Variants in DLGAP1 observed in about 807,000 individuals in gnomAD.
DLGAP1 encodes the protein disks large-associated protein 1.
A neutral mutation model predicts 90.8 loss-of-function variants in DLGAP1; 11 were observed. The ratio of observed to expected loss-of-function variants is 0.12; its 90% CI spans 0.08 to 0.20. DLGAP1 has a LOEUF of 0.20. Among genes scored for constraint, DLGAP1 ranks in the 10% least tolerant of loss-of-function variants. DLGAP1 has a pLI of 1.00. For synonymous variants in DLGAP1, 558 were observed against 540.7 expected (o/e 1.03, Z -0.44); for missense variants, 1,050 against 1,333.8 (o/e 0.79, Z 3.31).
At chr18:3,673,874 A>G (rs1278013667) in intron 7 of DLGAP1, among the ~76,000 whole-genome samples, 1 of 128,626 alleles carries the variant, frequency 7.8e-6, no homozygotes, top group African/African-American at 3.0e-5. Flanking sequence ...AGGGAGTCTC[A>G]CTCTGTTGCC....
intron 5 of DLGAP1, among the ~76,000 whole-genome samples, chr18:3,803,908 C>T (rs2066430090): frequency 7.1e-6 from 1 of 140,530 alleles, no homozygotes; most frequent in African/African-American, 2.6e-5. Context: ...TAAAATATTA[C>T]TAGCTATCAG....
At chr18:4,016,977 T>A (rs1356788787) in intron 2 of DLGAP1, among the ~76,000 whole-genome samples, 1 of 152,200 alleles carries the variant, frequency 6.6e-6, no homozygotes, top group Non-Finnish European at 1.5e-5. Flanking sequence ...TAAATACTAG[T>A]TCCCTCCCTT....
intron 1 of DLGAP1, among the ~76,000 whole-genome samples, chr18:4,261,960 A>T (rs903540152): frequency 1.3e-5 from 2 of 152,220 alleles, no homozygotes; most frequent in African/African-American, 4.8e-5. Context: ...CCTGGTAATA[A>T]AGTATGTTAA....
intron 1 of DLGAP1, among the ~76,000 whole-genome samples, chr18:4,352,388 G>C (rs1310662674): frequency 6.6e-6 from 1 of 152,038 alleles, no homozygotes. Flanking sequence ...ACCATGGCTT[G>C]GTAAGGCAAC....
intron 7 of DLGAP1, among the ~76,000 whole-genome samples, chr18:3,672,628 G>T (rs2060140581): frequency 8.0e-6 from 1 of 124,334 alleles, no homozygotes. Flanking sequence ...GAAACAGGTA[G>T]ATAAACCCAG....
intron 2 of DLGAP1, among the ~76,000 whole-genome samples, chr18:4,019,319 C>T (rs1262837622): frequency 6.6e-6 from 1 of 152,052 alleles, no homozygotes; most frequent in Non-Finnish European, 1.5e-5. Flanking sequence ...GCTTTATCTT[C>T]TTTTCTCAGT....
chr18:3,938,611 G>A (rs1334104601), intron 3 of DLGAP1, among the ~76,000 whole-genome samples: 1 of 152,326 alleles, frequency 6.6e-6, no homozygotes, highest in Admixed American at 6.5e-5. Context: ...GTGCCCAGGA[G>A]AATGTCAGAT....
chr18:3,905,388 A>AG (rs386386898), intron 3 of DLGAP1, among the ~76,000 whole-genome samples: 16 of 149,654 alleles, frequency 1.1e-4, no homozygotes, highest in African/African-American at 3.2e-4. Flanking sequence ...AAAAAAAAAA[A>AG]AAAAGAAAAG....
intron 1 of DLGAP1, among the ~76,000 whole-genome samples, chr18:4,244,430 T>TA (rs1295184229): frequency 2.6e-5 from 4 of 152,178 alleles, no homozygotes; most frequent in African/African-American, 7.2e-5. Context: ...TCTTGAAAAT[T>TA]AAAAAAACTA....
chr18:3,595,268 G>A (rs2056514596), intron 7 of DLGAP1, among the ~76,000 whole-genome samples: 1 of 152,200 alleles, frequency 6.6e-6, no homozygotes, highest in Admixed American at 6.5e-5. Flanking sequence ...TCTTCAGAAA[G>A]TTCCATTCAT....
In DLGAP1 at chr18:3,728,300, T is replaced by TTATATATATATA. The variant is rs200480157; in HGVS notation, c.1591+823_1591+834dup. On this transcript the variant is annotated intron_variant, in intron 7 of 12. Transcript: ENST00000315677. ...GGATTTTCTTTTTGGAACGCAAATG[T>TTATATATATATA]TATATATATATATATATATATATAT... 1.2e-3 allele frequency among the ~76,000 whole-genome samples: 154 copies of TTATATATATATA among 123,602 alleles called. 1 individual carries two copies. The highest frequency in any genetic ancestry group is 4.1e-3 in the South Asian group (16 of 3,856). The allele number at this position is 123,602 out of a possible 152,430, so 81.1% of individuals were successfully genotyped here.
At chr18:4,381,372 C>T (rs1190835204) in intron 1 of DLGAP1, among the ~76,000 whole-genome samples, 1 of 152,100 alleles carries the variant, frequency 6.6e-6, no homozygotes, top group African/African-American at 2.4e-5. Flanking sequence ...TTGATAAAAG[C>T]TATAGTGAGC....
intron 2 of DLGAP1, among the ~76,000 whole-genome samples, chr18:4,067,916 T>C (rs1352693869): frequency 6.6e-6 from 1 of 152,064 alleles, no homozygotes; most frequent in Non-Finnish European, 1.5e-5. Flanking sequence ...CCACCTTGGT[T>C]GTATGGTCTT....
At chr18:3,782,174 T>C (rs2065230148) in intron 5 of DLGAP1, among the ~76,000 whole-genome samples, 1 of 151,802 alleles carries the variant, frequency 6.6e-6, no homozygotes, top group Admixed American at 6.6e-5. Context: ...CCTTGTTCTG[T>C]TGTCCAGGCT....
In DLGAP1 at chr18:4,269,417, G is replaced by A. The variant is rs865782360; in HGVS notation, c.-266-118130C>T. 2.0e-4 allele frequency among the ~76,000 whole-genome samples: 30 copies of A among 149,242 alleles called. 1 individual carries two copies. The highest frequency in any genetic ancestry group is 3.6e-3 in the Middle Eastern group (1 of 280). ...CGCCCAGGCTGGAGTGCAGTGGCGC[G>A]ATCTCAGCTCACTGCAAGCTCTGCC... On this transcript the variant is annotated intron_variant, in intron 1 of 12. Transcript: ENST00000315677.
chr18:4,046,281 A>G (rs185675173), intron 2 of DLGAP1, among the ~76,000 whole-genome samples: 1 of 152,358 alleles, frequency 6.6e-6, no homozygotes, highest in Non-Finnish European at 1.5e-5. Context: ...AATAGATTGC[A>G]AAATATCTAT....
At chr18:3,790,689 C>T (rs1175258482) in intron 5 of DLGAP1, among the ~76,000 whole-genome samples, 1 of 152,116 alleles carries the variant, frequency 6.6e-6, no homozygotes, top group Non-Finnish European at 1.5e-5. Context: ...GAGTATTTGC[C>T]TGCATTTCCT....
intron 10 of DLGAP1, among the ~76,000 whole-genome samples, chr18:3,527,692 G>A (rs1223382): frequency 0.75 from 114,409 of 151,744 alleles, 43,268 homozygotes; most frequent in South Asian, 0.85. Context: ...CTGGGCTCAA[G>A]CAATGCTCTC....
chr18:4,452,034 C>T (rs1346460952), intron 1 of DLGAP1, among the ~76,000 whole-genome samples: 1 of 151,968 alleles, frequency 6.6e-6, no homozygotes, highest in Non-Finnish European at 1.5e-5. Flanking sequence ...AACAAAATAA[C>T]CTAAAATTGT....
Sources: allele counts gnomAD v4.1 joint callset (sites outside exome capture counted in the v4.1 genomes callset), GRCh38; gene constraint gnomAD v4.1.1; transcripts MANE v1.5; gene names NCBI Gene and HGNC (gene_info 2026-07-23, HGNC 2026-07-21).